Variants in FSTL5 observed in about 807,000 individuals in gnomAD.
The protein encoded by FSTL5 is follistatin like 5.
FSTL5 carries 62 observed loss-of-function variants against 89.1 expected under a neutral mutation model. That is an observed-to-expected ratio of 0.70 (90% CI 0.57 to 0.86). The LOEUF (loss-of-function observed/expected upper bound fraction) is 0.86. Among genes scored for constraint, FSTL5 ranks in the 40% least tolerant of loss-of-function variants. FSTL5 has a pLI of 0.00. For synonymous variants in FSTL5, 383 were observed against 346.2 expected, an observed-to-expected ratio of 1.11 and a Z score of -1.18; for missense variants, 1,057 against 1,001.6, an observed-to-expected ratio of 1.06 and a Z score of -0.75.
At chr4:161,994,389 T>A (rs1736227320) in intron 3 of FSTL5, among the ~76,000 whole-genome samples, 1 of 152,190 alleles carries the variant, frequency 6.6e-6, no homozygotes, top group African/African-American at 2.4e-5. Context: ...TTCCTCTGGG[T>A]ATGCACCCCA....
chr4:161,858,162 C>T (rs1731780353), intron 4 of FSTL5, among the ~76,000 whole-genome samples: 1 of 152,142 alleles, frequency 6.6e-6, no homozygotes, highest in African/African-American at 2.4e-5. Context: ...TCCCTATCCC[C>T]TTCCACCACG....
At chr4:161,818,142 C>A (rs1730384499) in intron 4 of FSTL5, among the ~76,000 whole-genome samples, 1 of 152,162 alleles carries the variant, frequency 6.6e-6, no homozygotes, top group Non-Finnish European at 1.5e-5. Flanking sequence ...AGCTGGACAT[C>A]AAGAAGAATG....
intron 15 of FSTL5, among the ~76,000 whole-genome samples, chr4:161,446,443 G>A (rs1578980674): frequency 6.6e-6 from 1 of 152,042 alleles, no homozygotes; most frequent in East Asian, 1.9e-4. Flanking sequence ...TGTATTTGAA[G>A]TTTTATCATT....
chr4:161,673,562 C>T (rs1004981591), intron 6 of FSTL5, among the ~76,000 whole-genome samples: 8 of 152,026 alleles, frequency 5.3e-5, no homozygotes, highest in Admixed American at 1.3e-4. Flanking sequence ...CAGTTATTTT[C>T]GGTTAAGTAG....
chr4:161,759,180 T>A (rs909428671), intron 6 of FSTL5, among the ~76,000 whole-genome samples: 8 of 152,346 alleles, frequency 5.3e-5, no homozygotes, highest in African/African-American at 1.9e-4. Flanking sequence ...CTATAATCAA[T>A]GAGAATTGAT....
intron 6 of FSTL5, among the ~76,000 whole-genome samples, chr4:161,743,473 A>C (rs1740093708): frequency 6.6e-6 from 1 of 152,160 alleles, no homozygotes; most frequent in Non-Finnish European, 1.5e-5. Flanking sequence ...TAAAATAAGA[A>C]AGAATGACAT....
chr4:161,997,566 TGA>T (rs1736331746), intron 3 of FSTL5, among the ~76,000 whole-genome samples: 1 of 151,818 alleles, frequency 6.6e-6, no homozygotes, highest in Admixed American at 6.6e-5. Flanking sequence ...AGTCTTTATA[TGA>T]AATATGCATG....
intron 1 of FSTL5, among the ~76,000 whole-genome samples, chr4:162,113,032 C>T (rs1731509074): frequency 6.6e-6 from 1 of 152,142 alleles, no homozygotes; most frequent in Non-Finnish European, 1.5e-5. Context: ...TTTATCAAAT[C>T]TCATTGCTAG....
intron 1 of FSTL5, among the ~76,000 whole-genome samples, chr4:162,143,717 TACACAC>T (rs138130575): frequency 3.9e-3 from 23 of 5,930 alleles, no homozygotes; most frequent in East Asian, 0.012. Flanking sequence ...TATCTGACTT[TACACAC>T]ACACACACAC....
intron 3 of FSTL5, among the ~76,000 whole-genome samples, chr4:161,996,461 A>T (rs949025224): frequency 3.3e-5 from 5 of 151,826 alleles, no homozygotes; most frequent in African/African-American, 1.2e-4. Context: ...CTCCCCCACC[A>T]CTCAAACTTC....
intron 6 of FSTL5, among the ~76,000 whole-genome samples, chr4:161,734,390 T>A (rs1368591469): frequency 2.0e-5 from 3 of 152,180 alleles, no homozygotes; most frequent in Non-Finnish European, 4.4e-5. Context: ...AAGTAAAGGA[T>A]GTGCTTAGTG....
At chr4:161,458,741 T>G (rs1162322516) in intron 14 of FSTL5, among the ~76,000 whole-genome samples, 2 of 152,184 alleles carry the variant, frequency 1.3e-5, no homozygotes, top group African/African-American at 4.8e-5. Flanking sequence ...TGTGAAGTTC[T>G]CACATAAACA....
At chr4:161,833,116 T>C (rs951280978) in intron 4 of FSTL5, among the ~76,000 whole-genome samples, 75 of 151,180 alleles carry the variant, frequency 5.0e-4, no homozygotes, top group African/African-American at 1.7e-3. Context: ...ACATCTTTAT[T>C]TCTGCCTTCA....
intron 5 of FSTL5, among the ~76,000 whole-genome samples, chr4:161,773,418 T>C (rs1274158806): frequency 6.6e-6 from 1 of 151,518 alleles, no homozygotes; most frequent in East Asian, 1.9e-4. Flanking sequence ...ACCCACAGAG[T>C]GGGAGAAAAT....
chr4:161,435,668 A>C (rs550353651), intron 15 of FSTL5, among the ~76,000 whole-genome samples: 1 of 151,522 alleles, frequency 6.6e-6, no homozygotes, highest in South Asian at 2.1e-4. Flanking sequence ...CATTGTATGA[A>C]TGTATCTCCT....
At chr4:161,979,003 T>G (rs461429) in intron 3 of FSTL5, among the ~76,000 whole-genome samples, 36,584 of 151,990 alleles carry the variant, frequency 0.24, 5,087 homozygotes, top group African/African-American at 0.39. Context: ...CCATAGGGTG[T>G]AATTTAAATG....
intron 8 of FSTL5, among the ~76,000 whole-genome samples, chr4:161,572,343 A>AAAAAAG (rs1553998794): frequency 8.0e-6 from 1 of 124,468 alleles, no homozygotes. Flanking sequence ...AAAAAAAAAA[A>AAAAAAG]AGAGAGAGAG....
At chr4:161,872,161 A>G (rs1298267380) in intron 4 of FSTL5, among the ~76,000 whole-genome samples, 108 of 14,800 alleles carry the variant, frequency 7.3e-3, no homozygotes, top group African/African-American at 0.014. Context: ...TTTTTTTTGT[A>G]GAGACAAGGA....
At chr4:161,678,465 A>G (rs1181112600) in intron 6 of FSTL5, among the ~76,000 whole-genome samples, 1 of 151,886 alleles carries the variant, frequency 6.6e-6, no homozygotes, top group East Asian at 1.9e-4. Context: ...TGCTGTTGAT[A>G]ATAGAACCTA....
Sources: allele counts gnomAD v4.1 joint callset (sites outside exome capture counted in the v4.1 genomes callset), GRCh38; gene constraint gnomAD v4.1.1; transcripts MANE v1.5; gene names NCBI Gene and HGNC (gene_info 2026-07-23, HGNC 2026-07-21).